HSPA4: variants seen among roughly 807,000 people sequenced by gnomAD.
The protein encoded by HSPA4 is heat shock 70 kDa protein 4.
A neutral mutation model predicts 106.2 loss-of-function variants in HSPA4; 25 were observed. The observed-to-expected ratio is 0.24, with a 90% CI of 0.17 to 0.33. The LOEUF is 0.33. Among genes scored for constraint, HSPA4 ranks in the 10% least tolerant of loss-of-function variants. The pLI, the probability that HSPA4 is intolerant of heterozygous loss-of-function variation, is 1.00. For missense variants in HSPA4, 841 were observed against 996.0 expected, an observed-to-expected ratio of 0.84 and a Z score of 2.10; for synonymous variants, 332 against 333.6, an observed-to-expected ratio of 1.00 and a Z score of 0.05.
At chr5:133,071,641 T>C (rs1007751891) in intron 4 of HSPA4, among the ~76,000 whole-genome samples, 5 of 152,208 alleles carry the variant, frequency 3.3e-5, no homozygotes, top group African/African-American at 1.2e-4. Flanking sequence ...CCTGATACTT[T>C]AGTTTCATGG....
intron 7 of HSPA4, among the ~76,000 whole-genome samples, chr5:133,077,231 C>T (rs1235473513): frequency 1.3e-5 from 2 of 152,070 alleles, no homozygotes; most frequent in East Asian, 3.8e-4. Flanking sequence ...TACCCAGTGA[C>T]TAAGAAATTG....
At chr5:133,089,014 CTA>C (rs779273049) in intron 9 of HSPA4, 39 bp from the exon 10 acceptor site, 2 of 1,079,562 alleles carry the variant, frequency 1.9e-6, no homozygotes, top group Admixed American at 2.0e-5. Context: ...TTTATATTGT[CTA>C]TACTTGTTAA....
rs1215920102 is a variant in HSPA4 at position 133,104,834 on chromosome 5, AGATT to A, written c.*400_*403del. Reference sequence around the variant, plus strand: ...ATTATGCTTTAAAAATCTGTTGTGGAGATTGCTTTAAATGCTCCCTGCCTGGTGT... The same window carrying A: ...ATTATGCTTTAAAAATCTGTTGTGGAGCTTTAAATGCTCCCTGCCTGGTGT... On this transcript the variant is annotated 3_prime_UTR_variant, in exon 19 of 19. Coordinates refer to ENST00000304858, the MANE Select transcript of HSPA4 (RefSeq NM_002154.4). 1 of 199,222 alleles carries A rather than the reference AGATT, an allele frequency of 5.0e-6. No individual in the cohort carries two copies. Among genetic ancestry groups the A allele is most frequent in the African/African-American group, 2.4e-5 (1 of 41,954 alleles). 12.3% of individuals were successfully genotyped at this position (199,222 alleles called of 1,614,324 possible). A position where few individuals can be genotyped will look rare whatever the true frequency, so the allele number is the denominator to read the frequency against.
chr5:133,104,581 A>T lies in HSPA4; in HGVS notation c.*145A>T, dbSNP rs552785949. The T allele has an allele frequency of 3.0e-6, 2 of 664,054 alleles. No individual in the cohort carries two copies. Among genetic ancestry groups the T allele is most frequent in the Admixed American group, 2.9e-5 (1 of 34,384 alleles). The allele number at this position is 664,054 out of a possible 1,614,324, so 41.1% of individuals were successfully genotyped here. On this transcript the variant is annotated 3_prime_UTR_variant, in exon 19 of 19. Coordinates refer to ENST00000304858, the MANE Select transcript of HSPA4 (RefSeq NM_002154.4). The stretch of plus-strand genomic sequence containing the variant: ...TTCGGGGAGGGGAAATAGGTAATGT[A>T]TGGAGCATTTTCACTTCTAAATAGT...
chr5:133,092,673 C>G (rs942173046), intron 12 of HSPA4, 27 bp from the exon 13 acceptor site: 1 of 1,476,212 alleles, frequency 6.8e-7, no homozygotes, highest in Non-Finnish European at 9.5e-7. Context: ...TTCCTAATTG[C>G]AGGATTTAAT....
chr5:133,085,511 T>C (rs540254946), intron 7 of HSPA4, among the ~76,000 whole-genome samples: 1 of 93,414 alleles, frequency 1.1e-5, no homozygotes, highest in Admixed American at 8.9e-5. Flanking sequence ...AATACAAAAT[T>C]AGCCGGGCGT....
At chr5:133,073,922 CTT>C (rs907868320) in intron 5 of HSPA4, 69 bp from the exon 6 acceptor site, 8 of 1,157,574 alleles carry the variant, frequency 6.9e-6, no homozygotes, top group Non-Finnish European at 9.5e-6. Context: ...TATAAAACCT[CTT>C]TTTTCCTGCT....
intron 7 of HSPA4, among the ~76,000 whole-genome samples, chr5:133,083,238 G>A (rs1232125345): frequency 5.9e-5 from 9 of 151,990 alleles, no homozygotes; most frequent in African/African-American, 1.9e-4. Flanking sequence ...CTTGAACCTG[G>A]GAGGCGGAGG....
chr5:133,058,680 A>G (rs971799853), intron 1 of HSPA4, among the ~76,000 whole-genome samples: 3 of 151,528 alleles, frequency 2.0e-5, no homozygotes, highest in African/African-American at 7.3e-5. Flanking sequence ...CTCCATCTCA[A>G]AACCCCAAAA....
At chr5:133,082,178 ATTTTG>A (rs1457422322) in intron 7 of HSPA4, among the ~76,000 whole-genome samples, 1 of 152,224 alleles carries the variant, frequency 6.6e-6, no homozygotes, top group Admixed American at 6.5e-5. Context: ...AAAAGGCCAC[ATTTTG>A]TATGATTCTA....
intron 2 of HSPA4, 37 bp downstream of exon 2, chr5:133,065,074 T>C (rs1024383054): frequency 1.3e-6 from 2 of 1,549,920 alleles, no homozygotes; most frequent in African/African-American, 2.7e-5. Flanking sequence ...GACTTATTTC[T>C]CCTCTTCATC....
intron 8 of HSPA4, among the ~76,000 whole-genome samples, chr5:133,087,523 A>G (rs1765590972): frequency 6.6e-6 from 1 of 152,248 alleles, no homozygotes; most frequent in Admixed American, 6.5e-5. Flanking sequence ...TGTGACCAGG[A>G]AATCAGGTGA....
chr5:133,095,375 A>T (rs1377587592), intron 13 of HSPA4, among the ~76,000 whole-genome samples: 1 of 152,190 alleles, frequency 6.6e-6, no homozygotes, highest in Non-Finnish European at 1.5e-5. Context: ...CTAAGAGAAG[A>T]GTGGATAAAA....
At position 133,089,652 on chromosome 5, in the gene HSPA4, C is replaced by CTA; in HGVS notation, c.1336_1337dup (p.Ser447ThrfsTer14). ...AGGAACCTTTCACTCTTGAGGCCTACTACAGCTCTCCTCAGGATTTGCCCT... is the reference window on the plus strand; with the variant it reads ...AGGAACCTTTCACTCTTGAGGCCTACTATACAGCTCTCCTCAGGATTTGCCCT... On this transcript the variant is annotated frameshift_variant, in exon 11 of 19. Transcript: ENST00000304858. LOFTEE classifies it high-confidence loss of function. 1 of 1,611,472 alleles carries CTA rather than the reference C, an allele frequency of 6.2e-7. No homozygotes were observed. Among genetic ancestry groups the CTA allele is most frequent in the Non-Finnish European group, 8.5e-7 (1 of 1,178,424 alleles).
At chr5:133,052,642 G>A in intron 1 of HSPA4, 1 of 407,440 alleles carries the variant, frequency 2.5e-6, no homozygotes, top group Non-Finnish European at 4.4e-6. Context: ...GGTAGGAACT[G>A]GAAGGACTGC....
chr5:133,061,482 A>G (rs964931919), intron 1 of HSPA4, among the ~76,000 whole-genome samples: 3 of 151,952 alleles, frequency 2.0e-5, no homozygotes, highest in East Asian at 1.9e-4. Flanking sequence ...AGACCCACAC[A>G]TGGGTTGTGA....
chr5:133,056,116 A>G (rs1405002000), intron 1 of HSPA4, among the ~76,000 whole-genome samples: 1 of 152,140 alleles, frequency 6.6e-6, no homozygotes, highest in Non-Finnish European at 1.5e-5. Context: ...AAGAAGTACC[A>G]TCTGAGACCT....
intron 1 of HSPA4, among the ~76,000 whole-genome samples, chr5:133,053,885 C>T (rs752397792): frequency 6.6e-6 from 1 of 150,780 alleles, no homozygotes; most frequent in East Asian, 2.0e-4. Context: ...GTCTCGAACT[C>T]CTGACCTCAA....
At chr5:133,086,579 C>T (rs1050531962) in intron 7 of HSPA4, among the ~76,000 whole-genome samples, 6 of 152,184 alleles carry the variant, frequency 3.9e-5, no homozygotes, top group African/African-American at 1.4e-4. Context: ...AACTCTCTAA[C>T]GTCTTGAGGA....
Sources: gnomAD v4.1 joint callset for allele counts (sites outside exome capture counted in the v4.1 genomes callset) on GRCh38, gnomAD v4.1.1 for gene constraint, MANE v1.5 for transcripts, NCBI Gene and HGNC (gene_info 2026-07-23, HGNC 2026-07-21) for gene names.